Variants in TFEC observed in about 807,000 individuals in gnomAD.
TFEC encodes transcription factor EC.
A neutral mutation model predicts 41.6 loss-of-function variants in TFEC; 31 were observed. The observed-to-expected ratio is 0.74, with a 90% confidence interval of 0.56 to 1.01. The LOEUF (loss-of-function observed/expected upper bound fraction) is 1.01, where lower values mean the gene tolerates loss of function less well. Among genes scored for constraint, TFEC ranks in the 50% least tolerant of loss-of-function variants. The pLI is 0.00. For synonymous variants in TFEC, 143 were observed against 140.6 expected, an observed-to-expected ratio of 1.02 and a Z score of -0.12; for missense variants, 402 against 404.1, an observed-to-expected ratio of 0.99 and a Z score of 0.04.
At chr7:116,127,766 C>G (rs1798246462) in intron 1 of TFEC, among the ~76,000 whole-genome samples, 1 of 151,232 alleles carries the variant, frequency 6.6e-6, no homozygotes, top group African/African-American at 2.4e-5. Context: ...TAAATTTGAG[C>G]CTGTTTCCCT....
chr7:115,970,258 GT>G (rs1031194231), intron 3 of TFEC, among the ~76,000 whole-genome samples: 6 of 151,976 alleles, frequency 3.9e-5, no homozygotes, highest in African/African-American at 1.4e-4. Flanking sequence ...GGTGAACCAT[GT>G]TAAATGCCAC....
At chr7:116,009,990 G>A (rs1344710332) in intron 1 of TFEC, among the ~76,000 whole-genome samples, 1 of 152,140 alleles carries the variant, frequency 6.6e-6, no homozygotes, top group Non-Finnish European at 1.5e-5. Context: ...GGATGATAGG[G>A]CTCAAACAGG....
chr7:116,116,843 C>A (rs977893890), intron 1 of TFEC, among the ~76,000 whole-genome samples: 68 of 149,156 alleles, frequency 4.6e-4, no homozygotes, highest in African/African-American at 1.7e-3. Context: ...TATCACTAGT[C>A]ACAGGAAGAC....
intron 3 of TFEC, among the ~76,000 whole-genome samples, chr7:116,038,869 T>A (rs1414081028): frequency 2.0e-5 from 3 of 152,004 alleles, no homozygotes. Flanking sequence ...CCAAAGTAGA[T>A]TAGTGGGGAA....
chr7:116,032,502 TA>T (rs1466013098), upstream of TFEC, among the ~76,000 whole-genome samples: 5 of 152,066 alleles, frequency 3.3e-5, no homozygotes, highest in African/African-American at 9.7e-5. Context: ...TATACAGTCA[TA>T]AAAAAGAATG....
chr7:115,966,718 T>C (rs1400941543), intron 3 of TFEC, among the ~76,000 whole-genome samples: 1 of 151,772 alleles, frequency 6.6e-6, no homozygotes. Context: ...CTTAAGTGTT[T>C]TGAGTGCTAA....
intron 3 of TFEC, among the ~76,000 whole-genome samples, chr7:116,094,362 CA>C (rs1797398852): frequency 6.6e-6 from 1 of 152,170 alleles, no homozygotes; most frequent in South Asian, 2.1e-4. Context: ...CATGTAATGA[CA>C]AATGTATTTA....
intron 6 of TFEC, among the ~76,000 whole-genome samples, chr7:115,946,533 A>G (rs1401228569): frequency 6.6e-6 from 1 of 150,538 alleles, no homozygotes; most frequent in Non-Finnish European, 1.5e-5. Context: ...CTTGTGTCTC[A>G]GCCTCCTGAG....
intron 3 of TFEC, among the ~76,000 whole-genome samples, chr7:116,110,090 G>T (rs1323621133): frequency 6.6e-6 from 1 of 152,108 alleles, no homozygotes; most frequent in African/African-American, 2.4e-5. Context: ...GTGGGGGGAA[G>T]GGGGAGGGAT....
intron 1 of TFEC, among the ~76,000 whole-genome samples, chr7:116,118,511 G>A (rs1006258861): frequency 6.6e-6 from 1 of 151,544 alleles, no homozygotes; most frequent in African/African-American, 2.4e-5. Context: ...TTTCCTAATG[G>A]GGAAATTAAT....
At chr7:116,107,666 T>C (rs1204221981) in intron 3 of TFEC, among the ~76,000 whole-genome samples, 1 of 152,200 alleles carries the variant, frequency 6.6e-6, no homozygotes, top group Non-Finnish European at 1.5e-5. Flanking sequence ...TGATTTCATC[T>C]ACTTCATACT....
At chr7:116,116,095 T>C (rs1562975112) in intron 1 of TFEC, among the ~76,000 whole-genome samples, 1 of 151,952 alleles carries the variant, frequency 6.6e-6, no homozygotes, top group Non-Finnish European at 1.5e-5. Flanking sequence ...GGTGTGAGTA[T>C]TTAAATCAAA....
At chr7:116,016,658 T>G (rs886191636) in intron 1 of TFEC, among the ~76,000 whole-genome samples, 11 of 152,010 alleles carry the variant, frequency 7.2e-5, no homozygotes, top group Non-Finnish European at 1.6e-4. Context: ...TCACATTTTT[T>G]TCTAGGAGGC....
At chr7:116,109,518 A>T (rs1357593185) in intron 3 of TFEC, among the ~76,000 whole-genome samples, 2 of 152,240 alleles carry the variant, frequency 1.3e-5, no homozygotes, top group Non-Finnish European at 2.9e-5. Flanking sequence ...TCAAAACCAC[A>T]ATGAGATACC....
chr7:116,123,707 T>C (rs924158738), intron 1 of TFEC, among the ~76,000 whole-genome samples: 1 of 152,140 alleles, frequency 6.6e-6, no homozygotes, highest in Admixed American at 6.6e-5. Flanking sequence ...TTCTGAGTAC[T>C]TTTATCAAAC....
intron 1 of TFEC, 86 bp downstream of exon 1, chr7:116,030,547 A>G (rs1158295648): frequency 1.4e-5 from 11 of 805,092 alleles, no homozygotes; most frequent in Non-Finnish European, 1.7e-5. Context: ...CAAGCCACAC[A>G]TATCAAAATA....
intron 3 of TFEC, among the ~76,000 whole-genome samples, chr7:116,043,760 CA>C (rs1197214100): frequency 6.6e-6 from 1 of 152,082 alleles, no homozygotes; most frequent in Non-Finnish European, 1.5e-5. Context: ...CAAGAAATGT[CA>C]TGGAAGGTTA....
intron 1 of TFEC, among the ~76,000 whole-genome samples, chr7:115,999,065 G>A (rs1794484675): frequency 6.6e-6 from 1 of 151,828 alleles, no homozygotes. Flanking sequence ...CATTCTCAAG[G>A]AGAGACCACA....
chr7:116,033,863 T>C (rs903406109), upstream of TFEC, among the ~76,000 whole-genome samples: 1 of 152,172 alleles, frequency 6.6e-6, no homozygotes, highest in Non-Finnish European at 1.5e-5. Flanking sequence ...GTGCCCTTTT[T>C]GAAAAACTCA....
Sources: allele counts gnomAD v4.1 joint callset (sites outside exome capture counted in the v4.1 genomes callset), GRCh38; gene constraint gnomAD v4.1.1; transcripts MANE v1.5; gene names NCBI Gene and HGNC (gene_info 2026-07-23, HGNC 2026-07-21).